Variants in ROBO2 observed in about 807,000 individuals in gnomAD.
The protein encoded by ROBO2 is roundabout homolog 2.
A neutral mutation model predicts 160.8 loss-of-function variants in ROBO2; 53 were observed. The ratio of observed to expected loss-of-function variants is 0.33; its 90% CI spans 0.26 to 0.41. The LOEUF (loss-of-function observed/expected upper bound fraction) is 0.41, where lower values mean the gene tolerates loss of function less well. Ranked by LOEUF, ROBO2 falls within the 10% of genes least tolerant of loss-of-function variation. The pLI, the probability that ROBO2 is intolerant of heterozygous loss-of-function variation, is 1.00. For missense variants in ROBO2, 1,577 were observed against 1,722.4 expected, an observed-to-expected ratio of 0.92 and a Z score of 1.49; for synonymous variants, 664 against 611.7, an observed-to-expected ratio of 1.09 and a Z score of -1.26.
At chr3:77,456,492 A>G (rs529645892) in intron 2 of ROBO2, among the ~76,000 whole-genome samples, 1 of 152,310 alleles carries the variant, frequency 6.6e-6, no homozygotes, top group East Asian at 1.9e-4. Context: ...TTGTGTGCAA[A>G]ACTTTCATTT....
At chr3:76,554,855 A>G (rs1024129873) in intron 2 of ROBO2, among the ~76,000 whole-genome samples, 1 of 152,050 alleles carries the variant, frequency 6.6e-6, no homozygotes, top group African/African-American at 2.4e-5. Flanking sequence ...ACAATCCTAC[A>G]GTGGGAGAAT....
chr3:77,058,021 T>C (rs1446272066), intron 1 of ROBO2, among the ~76,000 whole-genome samples: 1 of 152,140 alleles, frequency 6.6e-6, no homozygotes, highest in South Asian at 2.1e-4. Context: ...GGCTGGATTT[T>C]GATTGAACGT....
At chr3:77,181,589 T>TC (rs1009079490) in intron 2 of ROBO2, among the ~76,000 whole-genome samples, 9 of 152,052 alleles carry the variant, frequency 5.9e-5, no homozygotes, top group African/African-American at 1.7e-4. Context: ...GTAAAATGTA[T>TC]CCCCCCTTCT....
chr3:76,979,389 T>C (rs1225003365), intron 2 of ROBO2, among the ~76,000 whole-genome samples: 1 of 152,124 alleles, frequency 6.6e-6, no homozygotes, highest in Non-Finnish European at 1.5e-5. Context: ...CTTCCAGGTC[T>C]CCAGTGTCTA....
At chr3:76,959,429 A>C (rs1277173188) in intron 2 of ROBO2, among the ~76,000 whole-genome samples, 1 of 152,186 alleles carries the variant, frequency 6.6e-6, no homozygotes, top group Admixed American at 6.5e-5. Flanking sequence ...TTTCAAAATT[A>C]GTTATTGATC....
intron 2 of ROBO2, among the ~76,000 whole-genome samples, chr3:76,076,796 C>T (rs577187264): frequency 6.6e-6 from 1 of 152,286 alleles, no homozygotes; most frequent in African/African-American, 2.4e-5. Context: ...TTTATTACCG[C>T]ATCAAGATGA....
intron 2 of ROBO2, among the ~76,000 whole-genome samples, chr3:77,465,261 C>A (rs924214004): frequency 1.3e-5 from 2 of 152,066 alleles, no homozygotes; most frequent in Non-Finnish European, 2.9e-5. Context: ...ATGGAGGTTT[C>A]GTAGACTTTC....
chr3:76,344,158 T>A (rs1170516007), intron 2 of ROBO2, among the ~76,000 whole-genome samples: 6 of 152,160 alleles, frequency 3.9e-5, no homozygotes, highest in Non-Finnish European at 8.8e-5. Context: ...GGAAGATAAT[T>A]TATTTGTTTG....
intron 2 of ROBO2, among the ~76,000 whole-genome samples, chr3:77,100,098 TC>T (rs1440750161): frequency 6.6e-6 from 1 of 152,182 alleles, no homozygotes; most frequent in Non-Finnish European, 1.5e-5. Context: ...AGAATTGCTT[TC>T]TTTTCTAATT....
chr3:76,169,176 G>A (rs1040983471), intron 2 of ROBO2, among the ~76,000 whole-genome samples: 1 of 152,138 alleles, frequency 6.6e-6, no homozygotes, highest in East Asian at 1.9e-4. Context: ...CTGTTCCTCT[G>A]GTTCATTTCT....
upstream of ROBO2, among the ~76,000 whole-genome samples, chr3:77,037,088 A>G (rs983279139): frequency 6.6e-6 from 1 of 152,114 alleles, no homozygotes; most frequent in Non-Finnish European, 1.5e-5. Flanking sequence ...GTTCTTTTGG[A>G]ATTAATGTTG....
intron 2 of ROBO2, among the ~76,000 whole-genome samples, chr3:77,352,297 A>T (rs543467080): frequency 6.6e-6 from 1 of 152,116 alleles, no homozygotes; most frequent in African/African-American, 2.4e-5. Flanking sequence ...GTGACTATAG[A>T]AGTGTTGTCA....
chr3:75,980,449 C>T (rs1297577135), intron 2 of ROBO2, among the ~76,000 whole-genome samples: 4 of 151,242 alleles, frequency 2.6e-5, no homozygotes, highest in Non-Finnish European at 5.9e-5. Context: ...TATTCATTGT[C>T]ACACTTACTC....
intron 2 of ROBO2, among the ~76,000 whole-genome samples, chr3:77,467,102 A>T (rs1177750212): frequency 1.3e-5 from 2 of 152,290 alleles, no homozygotes; most frequent in Admixed American, 1.3e-4. Context: ...ATCCAGAATA[A>T]TGCAGCACAT....
intron 2 of ROBO2, among the ~76,000 whole-genome samples, chr3:77,193,699 T>G (rs1194936341): frequency 6.6e-6 from 1 of 152,134 alleles, no homozygotes; most frequent in Non-Finnish European, 1.5e-5. Context: ...TAAAATTATA[T>G]CATCCCTCTG....
intron 2 of ROBO2, among the ~76,000 whole-genome samples, chr3:76,081,340 T>C (rs2068822173): frequency 6.6e-6 from 1 of 152,106 alleles, no homozygotes. Context: ...TGAATAGTCA[T>C]GTAACTGAAA....
At chr3:76,322,845 A>G (rs1249660695) in intron 2 of ROBO2, among the ~76,000 whole-genome samples, 1 of 152,188 alleles carries the variant, frequency 6.6e-6, no homozygotes, top group Non-Finnish European at 1.5e-5. Context: ...AGATACATTT[A>G]AAGGCAATTA....
At chr3:76,075,682 A>C (rs1439359127) in intron 2 of ROBO2, among the ~76,000 whole-genome samples, 9 of 152,226 alleles carry the variant, frequency 5.9e-5, no homozygotes. Context: ...ATGAGCATCT[A>C]AAATCTGATG....
chr3:77,115,892 T>C (rs995487137), intron 2 of ROBO2, among the ~76,000 whole-genome samples: 1 of 151,990 alleles, frequency 6.6e-6, no homozygotes, highest in African/African-American at 2.4e-5. Context: ...GTGTCTTGGG[T>C]GATGTAGTTA....
Sources: gnomAD v4.1 joint callset for allele counts (sites outside exome capture counted in the v4.1 genomes callset) on GRCh38, gnomAD v4.1.1 for gene constraint, MANE v1.5 for transcripts, NCBI Gene and HGNC (gene_info 2026-07-23, HGNC 2026-07-21) for gene names.